KCNMB2: variants seen among roughly 807,000 people sequenced by gnomAD.
KCNMB2 encodes calcium-activated potassium channel subunit beta-2.
A neutral mutation model predicts 24.5 loss-of-function variants in KCNMB2; 9 were observed. The ratio of observed to expected loss-of-function variants is 0.37; its 90% CI spans 0.22 to 0.64. KCNMB2 has a LOEUF of 0.64. Among genes scored for constraint, KCNMB2 ranks in the 30% least tolerant of loss-of-function variants. The probability of loss-of-function intolerance (pLI) is 0.63; values close to 1 mark genes in which losing one functional copy is unlikely to be tolerated. For missense variants in KCNMB2, 226 were observed against 284.3 expected (o/e 0.79, Z 1.47); for synonymous variants, 109 against 104.4 (o/e 1.04, Z -0.27).
chr3:178,691,502 TGTG>T (rs1721675571), intron 1 of KCNMB2, among the ~76,000 whole-genome samples: 1 of 152,124 alleles, frequency 6.6e-6, no homozygotes, highest in African/African-American at 2.4e-5. Context: ...AGTGAAAACA[TGTG>T]GTATTTGGTT....
intron 1 of KCNMB2, among the ~76,000 whole-genome samples, chr3:178,579,445 T>A (rs1266892379): frequency 6.6e-6 from 1 of 151,726 alleles, no homozygotes; most frequent in African/African-American, 2.4e-5. Context: ...GACCCTAAAA[T>A]GACAATTAAA....
At chr3:178,587,498 A>G (rs1348570698) in intron 1 of KCNMB2, among the ~76,000 whole-genome samples, 1 of 151,954 alleles carries the variant, frequency 6.6e-6, no homozygotes, top group African/African-American at 2.4e-5. Context: ...ATCTTGGCTC[A>G]CTGCAACCTC....
At chr3:178,789,632 A>G (rs1382939804) in intron 1 of KCNMB2, among the ~76,000 whole-genome samples, 5 of 152,138 alleles carry the variant, frequency 3.3e-5, no homozygotes, top group African/African-American at 1.2e-4. Flanking sequence ...TTTGCATTGA[A>G]ATTCACAGCT....
intron 1 of KCNMB2, among the ~76,000 whole-genome samples, chr3:178,667,893 A>G (rs1001620465): frequency 2.0e-5 from 3 of 152,136 alleles, no homozygotes; most frequent in Non-Finnish European, 4.4e-5. Context: ...AGGCTGACAG[A>G]CAAACAGTCC....
At chr3:178,649,008 T>C (rs942238411) in intron 1 of KCNMB2, among the ~76,000 whole-genome samples, 2 of 152,230 alleles carry the variant, frequency 1.3e-5, no homozygotes, top group Non-Finnish European at 2.9e-5. Context: ...CATAGGTAGC[T>C]CATTCTCTAA....
chr3:178,552,470 A>G (rs982019854), intron 1 of KCNMB2, among the ~76,000 whole-genome samples: 2 of 152,088 alleles, frequency 1.3e-5, no homozygotes, highest in African/African-American at 4.8e-5. Flanking sequence ...TTATGCCTCT[A>G]TTTTATTTAC....
At chr3:178,784,188 T>C (rs1712999447) in intron 1 of KCNMB2, among the ~76,000 whole-genome samples, 1 of 152,204 alleles carries the variant, frequency 6.6e-6, no homozygotes, top group South Asian at 2.1e-4. Context: ...ATAATTTACA[T>C]TTATTAGTAC....
At chr3:178,545,379 A>G (rs578232224) in intron 1 of KCNMB2, among the ~76,000 whole-genome samples, 10 of 152,252 alleles carry the variant, frequency 6.6e-5, no homozygotes, top group African/African-American at 1.9e-4. Context: ...TCTTTTCCTC[A>G]TTGGATTTTT....
At position 178,635,510 on chromosome 3, in the gene KCNMB2, T is replaced by C. The variant is rs1719490059; in HGVS notation, c.-68+98799T>C. On this transcript the variant is annotated intron_variant, in intron 1 of 4. Transcript: ENST00000452583. ...GGGAAAAACAACAGACAACTTTAGA[T>C]GTAGCTGTAGTGGAATAGCTCTGAA... Among the ~76,000 whole-genome samples the C allele has an allele frequency of 2.6e-5, 4 of 152,074 alleles. No homozygotes were observed. The South Asian group carries it at 8.3e-4, about 31-fold the overall frequency.
intron 1 of KCNMB2, among the ~76,000 whole-genome samples, chr3:178,743,043 G>A (rs1723546808): frequency 6.6e-6 from 1 of 152,158 alleles, no homozygotes. Context: ...TGGGCAAAAT[G>A]AGTGGGATTC....
chr3:178,814,636 A>C (rs1714332977), intron 2 of KCNMB2, among the ~76,000 whole-genome samples: 1 of 152,136 alleles, frequency 6.6e-6, no homozygotes, highest in Admixed American at 6.5e-5. Flanking sequence ...CAGCCTCACC[A>C]AGATTTGTTA....
At chr3:178,652,787 C>G (rs115995059) in intron 1 of KCNMB2, among the ~76,000 whole-genome samples, 4 of 151,696 alleles carry the variant, frequency 2.6e-5, no homozygotes, top group African/African-American at 9.7e-5. Flanking sequence ...CACAGCCTCC[C>G]GTGTTGCTGG....
At chr3:178,675,767 G>C (rs1456413837) in intron 1 of KCNMB2, among the ~76,000 whole-genome samples, 1 of 152,132 alleles carries the variant, frequency 6.6e-6, no homozygotes, top group Non-Finnish European at 1.5e-5. Flanking sequence ...TACAAAATGA[G>C]GATTGGTATC....
At chr3:178,660,324 T>G (rs1450149655) in intron 1 of KCNMB2, among the ~76,000 whole-genome samples, 1 of 152,152 alleles carries the variant, frequency 6.6e-6, no homozygotes, top group Non-Finnish European at 1.5e-5. Flanking sequence ...TTTTTATTAT[T>G]ACGAATATTC....
chr3:178,580,221 T>C (rs1419464859), intron 1 of KCNMB2, among the ~76,000 whole-genome samples: 2 of 152,150 alleles, frequency 1.3e-5, no homozygotes, highest in South Asian at 4.1e-4. Context: ...GTTCAACATA[T>C]GCAAATCAAT....
intron 2 of KCNMB2, among the ~76,000 whole-genome samples, chr3:178,808,364 C>T (rs1223066055): frequency 2.0e-5 from 3 of 151,978 alleles, no homozygotes; most frequent in African/African-American, 4.8e-5. Context: ...AAGCAAGTTG[C>T]GCATCAGGCA....
At chr3:178,561,267 G>A (rs1716305394) in intron 1 of KCNMB2, among the ~76,000 whole-genome samples, 1 of 152,302 alleles carries the variant, frequency 6.6e-6, no homozygotes, top group African/African-American at 2.4e-5. Context: ...TACAGCAACA[G>A]TTTAACAGGA....
chr3:178,769,212 T>C (rs565262858), intron 1 of KCNMB2, among the ~76,000 whole-genome samples: 1 of 152,372 alleles, frequency 6.6e-6, no homozygotes, highest in South Asian at 2.1e-4. Flanking sequence ...ATTTGATGTT[T>C]TGGCCATTAT....
intron 1 of KCNMB2, among the ~76,000 whole-genome samples, chr3:178,742,963 G>GTAAA (rs755325948): frequency 5.3e-5 from 8 of 152,116 alleles, no homozygotes; most frequent in Non-Finnish European, 8.8e-5. Context: ...TCAGGGTAAG[G>GTAAA]TAAATTGAAT....
Sources: allele counts gnomAD v4.1 joint callset (sites outside exome capture counted in the v4.1 genomes callset), GRCh38; gene constraint gnomAD v4.1.1; transcripts MANE v1.5; gene names NCBI Gene and HGNC (gene_info 2026-07-23, HGNC 2026-07-21).